The following ASAP1 variants were observed in gnomAD, a reference collection of about 807,000 sequenced individuals.
ASAP1 encodes the protein arf-GAP with SH3 domain, ANK repeat and PH domain-containing protein 1.
Under a neutral mutation model 145.2 loss-of-function variants are expected in ASAP1, and 43 were observed. The observed-to-expected ratio is 0.30, with a 90% confidence interval of 0.23 to 0.38. The LOEUF is 0.38. Among genes scored for constraint, ASAP1 ranks in the 10% least tolerant of loss-of-function variants. ASAP1 has a pLI of 1.00. For missense variants in ASAP1, 1,018 were observed against 1,355.3 expected (o/e 0.75, Z 3.91); for synonymous variants, 546 against 515.5 (o/e 1.06, Z -0.80).
chr8:130,113,109 T>C (rs1174340296), intron 23 of ASAP1, among the ~76,000 whole-genome samples: 1 of 152,208 alleles, frequency 6.6e-6, no homozygotes, highest in Non-Finnish European at 1.5e-5. Context: ...TGGGAAACCT[T>C]GCTCTTTAGA....
At chr8:130,249,127 C>T (rs1345920131) in intron 3 of ASAP1, among the ~76,000 whole-genome samples, 1 of 152,044 alleles carries the variant, frequency 6.6e-6, no homozygotes, top group African/African-American at 2.4e-5. Flanking sequence ...TTAATCATGC[C>T]CCAGCCAGGT....
intron 17 of ASAP1, 57 bp from the exon 18 acceptor site, chr8:130,124,161 A>G: frequency 8.3e-7 from 1 of 1,201,944 alleles, no homozygotes; most frequent in Non-Finnish European, 1.2e-6. Context: ...ACTAGTTAAA[A>G]GTCTCCTATT....
intron 1 of ASAP1, among the ~76,000 whole-genome samples, chr8:130,437,514 T>C (rs1830355085): frequency 6.6e-6 from 1 of 152,234 alleles, no homozygotes; most frequent in South Asian, 2.1e-4. Context: ...ACCATTCCAC[T>C]GAGCCATCCT....
intron 10 of ASAP1, among the ~76,000 whole-genome samples, 187 bp from the exon 11 acceptor site, chr8:130,167,809 T>G (rs561545833): frequency 6.6e-6 from 1 of 152,212 alleles, no homozygotes; most frequent in African/African-American, 2.4e-5. Context: ...GTTTTGAAAT[T>G]AGTGAATAAT....
At chr8:130,203,089 T>TA (rs1005173413) in intron 5 of ASAP1, among the ~76,000 whole-genome samples, 47 of 148,546 alleles carry the variant, frequency 3.2e-4, no homozygotes, top group East Asian at 5.9e-4. Context: ...GAATTTGAAT[T>TA]AAAAAAAAAA....
intron 5 of ASAP1, among the ~76,000 whole-genome samples, chr8:130,213,782 C>G (rs986279449): frequency 2.6e-5 from 4 of 152,132 alleles, no homozygotes; most frequent in African/African-American, 9.7e-5. Context: ...CCCCCAAAAC[C>G]AACAAAATCC....
intron 27 of ASAP1, among the ~76,000 whole-genome samples, chr8:130,073,790 C>T (rs1167078607): frequency 6.6e-6 from 1 of 152,158 alleles, no homozygotes. Flanking sequence ...ACTTCACACA[C>T]AGAGACAATG....
intron 28 of ASAP1, among the ~76,000 whole-genome samples, chr8:130,059,364 G>A (rs559727752): frequency 6.6e-6 from 1 of 151,978 alleles, no homozygotes; most frequent in Non-Finnish European, 1.5e-5. Context: ...CGGTTTCTCT[G>A]TATGTTGCCC....
intron 18 of ASAP1, among the ~76,000 whole-genome samples, chr8:130,123,403 C>T (rs929175400): frequency 6.6e-5 from 10 of 152,146 alleles, no homozygotes; most frequent in Admixed American, 5.9e-4. Flanking sequence ...ATGTCTCTTA[C>T]TCATCACAAT....
chr8:130,070,886 AGAGAGG>A lies in ASAP1; in HGVS notation c.2701+5456_2701+5461del, dbSNP rs1564925404. Among the ~76,000 whole-genome samples the A allele has an allele frequency of 1.7e-3, 52 of 30,580 alleles. 5 individuals are homozygous for A. The highest frequency in any genetic ancestry group is 0.02 in the Middle Eastern group (1 of 50). 20.1% of individuals were successfully genotyped at this position (30,580 alleles called of 152,430 possible). The stretch of plus-strand genomic sequence containing the variant: ...GAGAGGGAGAGAGAGGGAGAGAGGG[AGAGAGG>A]GAGAGAGGGAGGGAGAGAGAGGGGG... On this transcript the variant is annotated intron_variant, in intron 27 of 29. Coordinates refer to ENST00000518721, the MANE Select transcript of ASAP1 (RefSeq NM_018482.4).
chr8:130,232,940 G>A (rs1028493290), intron 4 of ASAP1, among the ~76,000 whole-genome samples: 4 of 152,188 alleles, frequency 2.6e-5, no homozygotes, highest in African/African-American at 9.7e-5. Flanking sequence ...AAAAGCCCTT[G>A]GAGGGGAACA....
chr8:130,297,491 G>C (rs1056328788), intron 3 of ASAP1, among the ~76,000 whole-genome samples: 1 of 152,198 alleles, frequency 6.6e-6, no homozygotes, highest in African/African-American at 2.4e-5. Context: ...TGAAGGCCTT[G>C]CATGCCCAGT....
chr8:130,074,265 C>G (rs1487670346), intron 27 of ASAP1, among the ~76,000 whole-genome samples: 1 of 151,950 alleles, frequency 6.6e-6, no homozygotes, highest in Non-Finnish European at 1.5e-5. Context: ...GGATTCGCTA[C>G]AGAATTACTG....
intron 24 of ASAP1, among the ~76,000 whole-genome samples, chr8:130,108,052 G>C (rs1382971986): frequency 6.6e-6 from 1 of 152,136 alleles, no homozygotes; most frequent in Non-Finnish European, 1.5e-5. Flanking sequence ...CCTACCTGTT[G>C]GCAAGGGTAG....
chr8:130,113,745 A>C (rs767317444), intron 23 of ASAP1, among the ~76,000 whole-genome samples: 2 of 152,088 alleles, frequency 1.3e-5, no homozygotes, highest in Non-Finnish European at 2.9e-5. Flanking sequence ...TCTCTTCTGT[A>C]AAATGGGGAT....
chr8:130,362,779 GTAAA>G lies in ASAP1; in HGVS notation c.60-4640_60-4637del, dbSNP rs1826778237. 2.0e-5 allele frequency among the ~76,000 whole-genome samples: 3 copies of G among 152,236 alleles called. No individual in the cohort carries two copies. The South Asian group carries it at 6.2e-4, about 32-fold the overall frequency. ...ATTAGTGATGGCTTGGATTTTGGAGGTAAATAAATAGTATCTAGAGTCAAACTGG... is the reference window on the plus strand; with the variant it reads ...ATTAGTGATGGCTTGGATTTTGGAGGTAAATAGTATCTAGAGTCAAACTGG... On this transcript the variant is annotated intron_variant, in intron 2 of 29. Transcript: ENST00000518721.
At position 130,358,633 on chromosome 8, in the gene ASAP1, C is replaced by T. The variant is rs1208316955; in HGVS notation, c.60-490G>A. ...CCGCGGCGGGCGGGCGGGCGGGCGGCGCTCGCGCTGCAGTCACGGGGCCAA... is the reference window on the plus strand; with the variant it reads ...CCGCGGCGGGCGGGCGGGCGGGCGGTGCTCGCGCTGCAGTCACGGGGCCAA... On this transcript the variant is annotated intron_variant, in intron 2 of 29. Coordinates refer to ENST00000518721, the MANE Select transcript of ASAP1 (RefSeq NM_018482.4). This position sits in a 1 kb window ranked among gnomAD's most constrained non-coding sequence, Gnocchi z 4.1. Among the ~76,000 whole-genome samples the T allele has an allele frequency of 6.8e-5, 10 of 147,040 alleles. No individual in the cohort carries two copies. The highest frequency in any genetic ancestry group is 2.4e-4 in the African/African-American group (10 of 40,910).
At chr8:130,340,518 G>A (rs1825308618) in intron 3 of ASAP1, among the ~76,000 whole-genome samples, 4 of 152,188 alleles carry the variant, frequency 2.6e-5, no homozygotes, top group Non-Finnish European at 5.9e-5. Context: ...TGATTAGTAA[G>A]TATTCATGGC....
intron 4 of ASAP1, among the ~76,000 whole-genome samples, chr8:130,232,674 A>G (rs1448485656): frequency 6.6e-6 from 1 of 152,088 alleles, no homozygotes; most frequent in African/African-American, 2.4e-5. Context: ...ACTAGTACTG[A>G]TAAAAGTTTA....
Sources: allele counts gnomAD v4.1 joint callset (sites outside exome capture counted in the v4.1 genomes callset), GRCh38; gene constraint gnomAD v4.1.1; non-coding constraint Gnocchi (gnomAD v3.1); transcripts MANE v1.5; gene names NCBI Gene and HGNC (gene_info 2026-07-23, HGNC 2026-07-21).